USP15: variants seen among roughly 807,000 people sequenced by gnomAD.
USP15 encodes the protein ubiquitin carboxyl-terminal hydrolase 15.
USP15 carries 18 observed loss-of-function variants against 127.1 expected under a neutral mutation model. That is an observed-to-expected ratio of 0.14 (90% confidence interval 0.10 to 0.21). The LOEUF (loss-of-function observed/expected upper bound fraction) is 0.21, where lower values mean the gene tolerates loss of function less well. Among genes scored for constraint, USP15 ranks in the 10% least tolerant of loss-of-function variants. The pLI is 1.00. For synonymous variants in USP15, 364 were observed against 393.7 expected, an observed-to-expected ratio of 0.92 and a Z score of 0.89; for missense variants, 805 against 1,159.9, an observed-to-expected ratio of 0.69 and a Z score of 4.44.
At chr12:62,378,754 G>A (rs1301723617) in intron 8 of USP15, among the ~76,000 whole-genome samples, 1 of 152,132 alleles carries the variant, frequency 6.6e-6, no homozygotes, top group Non-Finnish European at 1.5e-5. Flanking sequence ...AGTACTTGAA[G>A]ATATTTTTGA....
intron 8 of USP15, among the ~76,000 whole-genome samples, chr12:62,380,307 A>G (rs932135460): frequency 1.3e-5 from 2 of 151,968 alleles, no homozygotes; most frequent in African/African-American, 4.8e-5. Context: ...AAACCACAAA[A>G]TTGAGTACCA....
At chr12:62,381,856 G>GTTTTGT (rs377600000) in intron 9 of USP15, among the ~76,000 whole-genome samples, 193 bp downstream of exon 9, 20 of 152,054 alleles carry the variant, frequency 1.3e-4, no homozygotes, top group South Asian at 8.3e-4. Flanking sequence ...CAGTTTATCT[G>GTTTTGT]TTTTGTTTTT....
intron 8 of USP15, among the ~76,000 whole-genome samples, chr12:62,374,996 A>G (rs1281620585): frequency 6.6e-6 from 1 of 152,154 alleles, no homozygotes; most frequent in Non-Finnish European, 1.5e-5. Flanking sequence ...TAAAGAATGC[A>G]TAAACCATTC....
intron 5 of USP15, among the ~76,000 whole-genome samples, chr12:62,323,691 G>A (rs958942235): frequency 2.6e-5 from 4 of 152,066 alleles, no homozygotes; most frequent in Non-Finnish European, 5.9e-5. Flanking sequence ...CCTTGAGGTA[G>A]CTCCAAAAGT....
At chr12:62,325,838 G>A in intron 5 of USP15, 34 bp from the exon 6 acceptor site, 1 of 1,566,172 alleles carries the variant, frequency 6.4e-7, no homozygotes, top group South Asian at 1.2e-5. Flanking sequence ...TCAGAGTTAT[G>A]GAAAAACACC....
intron 3 of USP15, among the ~76,000 whole-genome samples, chr12:62,312,673 A>G (rs545129082): frequency 1.3e-5 from 2 of 151,744 alleles, no homozygotes; most frequent in South Asian, 2.1e-4. Flanking sequence ...AAACATAACT[A>G]TCACTTCTGA....
intron 1 of USP15, among the ~76,000 whole-genome samples, chr12:62,265,804 C>T (rs1479962182): frequency 1.3e-5 from 2 of 152,138 alleles, no homozygotes; most frequent in Non-Finnish European, 2.9e-5. Flanking sequence ...ACTTCAGCCT[C>T]GCAAGTATTA....
rs144448688 is a variant in USP15 at position 62,305,907 on chromosome 12, A to C, written c.348+2987A>C. ...ACACCGCGGCTTACATCTTGGGTGC[A>C]CACGCACTCTAGCTGTCTCTCTTTC... On this transcript the variant is annotated intron_variant, in intron 3 of 21. Transcript: ENST00000280377. The C allele has an allele frequency of 5.9e-5, 9 of 152,326 alleles. No individual in the cohort carries two copies. In the East Asian group the frequency reaches 1.7e-3, roughly 29 times the overall value. 9.4% of individuals were successfully genotyped at this position (152,326 alleles called of 1,614,324 possible). A position where few individuals can be genotyped will look rare whatever the true frequency, so the allele number is the denominator to read the frequency against.
At chr12:62,287,671 G>GT (rs1437423703) in intron 1 of USP15, among the ~76,000 whole-genome samples, 1 of 151,658 alleles carries the variant, frequency 6.6e-6, no homozygotes, top group Non-Finnish European at 1.5e-5. Flanking sequence ...TTTTTCCTAG[G>GT]TTTTTTTTAG....
rs751244502 is a variant in USP15 at position 62,302,939 on chromosome 12, T to A, written c.348+19T>A. On this transcript the variant is annotated intron_variant, in intron 3 of 21. Coordinates refer to ENST00000280377, the MANE Select transcript of USP15 (RefSeq NM_001252078.2). ...ACGAAAGGTACATTTTAATAATAAC[T>A]GACTATAAATATTATTTTTCTTGAT... 1 of 1,598,706 alleles carries A rather than the reference T, an allele frequency of 6.3e-7. No homozygotes were observed.
chr12:62,314,519 A>G (rs1454249261), intron 3 of USP15, among the ~76,000 whole-genome samples: 1 of 151,948 alleles, frequency 6.6e-6, no homozygotes, highest in Non-Finnish European at 1.5e-5. Flanking sequence ...GTGTATCTTC[A>G]TAGATCAATA....
At chr12:62,314,138 A>G (rs1180358116) in intron 3 of USP15, 3 of 423,814 alleles carry the variant, frequency 7.1e-6, no homozygotes, top group Non-Finnish European at 9.5e-6. Flanking sequence ...TAATTGCTGC[A>G]TAGAATTACT....
At chr12:62,403,353 A>C (rs1306030487) in intron 21 of USP15, among the ~76,000 whole-genome samples, 1 of 152,086 alleles carries the variant, frequency 6.6e-6, no homozygotes, top group African/African-American at 2.4e-5. Flanking sequence ...GAAACCAAAG[A>C]GATAGTAGGA....
chr12:62,390,141 C>T (rs1444776050), intron 14 of USP15, among the ~76,000 whole-genome samples, 153 bp downstream of exon 14: 1 of 152,068 alleles, frequency 6.6e-6, no homozygotes, highest in Non-Finnish European at 1.5e-5. Flanking sequence ...AGTCCTAATC[C>T]ACTTTCTTAT....
chr12:62,299,452 A>T (rs979242277), intron 2 of USP15, among the ~76,000 whole-genome samples: 1 of 152,178 alleles, frequency 6.6e-6, no homozygotes, highest in African/African-American at 2.4e-5. Context: ...TATTTAGGAC[A>T]GCACAATGTT....
At position 62,404,288 on chromosome 12, in the gene USP15, T is replaced by C. The variant is rs2067793796; in HGVS notation, c.2859T>C (p.Ala953=). The C allele has an allele frequency of 6.2e-7, 1 of 1,613,374 alleles. No individual in the cohort carries two copies. The highest frequency in any genetic ancestry group is 8.5e-7 in the Non-Finnish European group (1 of 1,179,432). The change falls in exon 22 of 22, where the codon GCT becomes GCC. Residue 953 remains alanine, a synonymous_variant. Transcript: ENST00000280377. ...PLDRETKGAS[A]ATGIPLESDE... ...ACCGAGAAACTAAAGGTGCTTCAGCTGCCACTGGCATCCCATTAGAAAGTG... is the reference window on the plus strand; with the variant it reads ...ACCGAGAAACTAAAGGTGCTTCAGCCGCCACTGGCATCCCATTAGAAAGTG...
intron 8 of USP15, among the ~76,000 whole-genome samples, chr12:62,357,310 G>T (rs919829509): frequency 2.6e-5 from 4 of 151,968 alleles, no homozygotes; most frequent in African/African-American, 9.7e-5. Flanking sequence ...TCAGAAATAG[G>T]TATTCAAATT....
At chr12:62,320,994 T>C (rs1204339205) in intron 4 of USP15, among the ~76,000 whole-genome samples, 1 of 152,066 alleles carries the variant, frequency 6.6e-6, no homozygotes, top group Non-Finnish European at 1.5e-5. Context: ...CTTTCTTTTT[T>C]ATTGTGTCCA....
rs746861481 is a variant in USP15 at position 62,404,344 on chromosome 12, T to C, written c.2915T>C (p.Ile972Thr). 16 of 1,611,066 alleles carry C rather than the reference T, an allele frequency of 9.9e-6. No individual in the cohort carries two copies. Among genetic ancestry groups the C allele is most frequent in the Admixed American group, 5.0e-5 (3 of 59,640 alleles). Residue 972 changes from isoleucine to threonine, a missense_variant, in exon 22 of 22, where the codon ATA becomes ACA. Around this residue, in one of 11 missense-constraint regions of USP15, gnomAD observed 116 missense variants for 157.2 expected, o/e 0.74. Transcript: ENST00000280377. Reference protein sequence around the residue: ...DEDSNDNDNDIENENCMHTN With the variant: ...DEDSNDNDNDTENENCMHTN Reference sequence around the variant, plus strand: ...GATAGCAATGATAATGACAATGATATAGAAAATGAAAACTGTATGCACACT... The same window carrying C: ...GATAGCAATGATAATGACAATGATACAGAAAATGAAAACTGTATGCACACT...
Sources: allele counts gnomAD v4.1 joint callset (sites outside exome capture counted in the v4.1 genomes callset), GRCh38; gene constraint gnomAD v4.1.1; regional missense constraint gnomAD v4.1.1; transcripts MANE v1.5; gene names NCBI Gene and HGNC (gene_info 2026-07-23, HGNC 2026-07-21).